LRRC4C: variants seen among roughly 807,000 people sequenced by gnomAD.
The protein encoded by LRRC4C is leucine-rich repeat-containing protein 4C.
A neutral mutation model predicts 33.6 loss-of-function variants in LRRC4C; 5 were observed. The observed-to-expected ratio is 0.15, with a 90% CI of 0.08 to 0.31. LRRC4C has a LOEUF of 0.31. Ranked by LOEUF, LRRC4C falls within the 10% of genes least tolerant of loss-of-function variation. The probability of loss-of-function intolerance (pLI) is 1.00; values close to 1 mark genes in which losing one functional copy is unlikely to be tolerated. For missense variants in LRRC4C, 560 were observed against 796.7 expected, an observed-to-expected ratio of 0.70 and a Z score of 3.58; for synonymous variants, 329 against 302.0, an observed-to-expected ratio of 1.09 and a Z score of -0.93.
At chr11:41,033,006 T>G (rs756715775) in intron 1 of LRRC4C, among the ~76,000 whole-genome samples, 1 of 151,980 alleles carries the variant, frequency 6.6e-6, no homozygotes, top group Non-Finnish European at 1.5e-5. Context: ...GCTGATACCA[T>G]GAAACATTAC....
Position 40,274,641 on chromosome 11 carries a change from C to T in LRRC4C, c.-175-33043G>A, listed in dbSNP as rs183007725. Reference sequence around the variant, plus strand: ...TAGAAAAATGTATTTCCATTCTCTTCGGCAAAGACAGTCCTGTTACCTGTA... The same window carrying T: ...TAGAAAAATGTATTTCCATTCTCTTTGGCAAAGACAGTCCTGTTACCTGTA... On this transcript the variant is annotated intron_variant, in intron 4 of 6. Transcript: ENST00000528697. Among the ~76,000 whole-genome samples the T allele has an allele frequency of 1.8e-4, 27 of 152,158 alleles. No individual in the cohort carries two copies. The South Asian group carries it at 2.5e-3, about 14-fold the overall frequency.
At chr11:41,165,801 G>T (rs1944695305) in intron 1 of LRRC4C, among the ~76,000 whole-genome samples, 2 of 152,020 alleles carry the variant, frequency 1.3e-5, no homozygotes, top group Non-Finnish European at 2.9e-5. Context: ...AGGCCGAGGT[G>T]GGTGGACCAC....
chr11:40,647,335 A>G (rs915092555), intron 3 of LRRC4C, among the ~76,000 whole-genome samples: 1 of 152,224 alleles, frequency 6.6e-6, no homozygotes, highest in Non-Finnish European at 1.5e-5. Context: ...AATGGTGCTT[A>G]ATGTCACTAT....
intron 1 of LRRC4C, among the ~76,000 whole-genome samples, chr11:41,116,335 A>AAT (rs920356898): frequency 3.3e-5 from 5 of 151,996 alleles, no homozygotes; most frequent in African/African-American, 9.7e-5. Flanking sequence ...GAATTTAGTT[A>AAT]ATATATATAT....
intron 1 of LRRC4C, among the ~76,000 whole-genome samples, chr11:41,337,120 C>T (rs1157812461): frequency 6.6e-6 from 1 of 152,066 alleles, no homozygotes; most frequent in African/African-American, 2.4e-5. Flanking sequence ...TCACCACTCA[C>T]TGAAGCCTCC....
intron 2 of LRRC4C, among the ~76,000 whole-genome samples, chr11:40,887,729 T>C (rs1955528402): frequency 6.6e-6 from 1 of 152,034 alleles, no homozygotes; most frequent in Admixed American, 6.6e-5. Context: ...ATTTTCTAGA[T>C]GCAAAGCATT....
intron 1 of LRRC4C, among the ~76,000 whole-genome samples, chr11:41,431,045 G>A (rs190368850): frequency 1.3e-5 from 2 of 152,102 alleles, no homozygotes; most frequent in African/African-American, 4.8e-5. Flanking sequence ...TGCAAAAATT[G>A]TATTATTTTT....
At chr11:41,232,436 T>C (rs980907442) in intron 1 of LRRC4C, among the ~76,000 whole-genome samples, 1 of 152,046 alleles carries the variant, frequency 6.6e-6, no homozygotes, top group Non-Finnish European at 1.5e-5. Context: ...AAAAATGCCT[T>C]CAGGCATTAT....
intron 1 of LRRC4C, among the ~76,000 whole-genome samples, chr11:40,966,238 T>C (rs904140483): frequency 2.0e-5 from 3 of 151,996 alleles, no homozygotes; most frequent in African/African-American, 7.2e-5. Context: ...AGGTACACTT[T>C]ACCTATTTTT....
chr11:40,600,082 A>T (rs1959825133), intron 3 of LRRC4C, among the ~76,000 whole-genome samples: 1 of 152,166 alleles, frequency 6.6e-6, no homozygotes, highest in South Asian at 2.1e-4. Flanking sequence ...ATGAGCTCTA[A>T]CTCTGTGCAT....
intron 1 of LRRC4C, among the ~76,000 whole-genome samples, chr11:40,962,992 G>C (rs2136892374): frequency 6.6e-6 from 1 of 151,780 alleles, no homozygotes; most frequent in East Asian, 1.9e-4. Flanking sequence ...GGACTTATTT[G>C]AAGATACAGA....
intron 2 of LRRC4C, among the ~76,000 whole-genome samples, chr11:40,726,163 CCAA>C (rs1947283984): frequency 7.3e-6 from 1 of 136,106 alleles, no homozygotes; most frequent in Non-Finnish European, 1.6e-5. Context: ...AACCTATCAA[CCAA>C]AAAAAAAAAA....
chr11:40,559,708 C>A (rs1957472865), intron 3 of LRRC4C, among the ~76,000 whole-genome samples: 1 of 152,082 alleles, frequency 6.6e-6, no homozygotes, highest in Non-Finnish European at 1.5e-5. Flanking sequence ...ATAGGTTTGA[C>A]TTTTAAAAAA....
chr11:40,689,072 G>C (rs376879465), intron 2 of LRRC4C, among the ~76,000 whole-genome samples: 1 of 151,834 alleles, frequency 6.6e-6, no homozygotes, highest in Non-Finnish European at 1.5e-5. Flanking sequence ...TAGAAAAAGA[G>C]CCCTAGATAA....
intron 3 of LRRC4C, among the ~76,000 whole-genome samples, chr11:40,565,891 C>T (rs2135534123): frequency 6.6e-6 from 1 of 152,014 alleles, no homozygotes; most frequent in Non-Finnish European, 1.5e-5. Context: ...AATTCAGAAT[C>T]TATAATTTGT....
chr11:40,586,991 G>GT (rs1958786521), intron 3 of LRRC4C, among the ~76,000 whole-genome samples: 2 of 151,896 alleles, frequency 1.3e-5, no homozygotes, highest in Non-Finnish European at 2.9e-5. Flanking sequence ...CTTTAAAGTA[G>GT]TTTTTTCCAA....
intron 2 of LRRC4C, among the ~76,000 whole-genome samples, chr11:40,863,822 G>A (rs1954219929): frequency 6.6e-6 from 1 of 152,022 alleles, no homozygotes; most frequent in South Asian, 2.1e-4. Flanking sequence ...ATATTTTTGT[G>A]TTATTATAAT....
intron 4 of LRRC4C, among the ~76,000 whole-genome samples, chr11:40,305,155 A>C (rs1247206362): frequency 1.3e-5 from 2 of 152,178 alleles, no homozygotes; most frequent in Non-Finnish European, 2.9e-5. Flanking sequence ...TGCCTAGAAC[A>C]TTCCCCTCTG....
At chr11:40,936,688 T>A (rs1479867547) in intron 1 of LRRC4C, among the ~76,000 whole-genome samples, 4 of 152,140 alleles carry the variant, frequency 2.6e-5, no homozygotes, top group Non-Finnish European at 5.9e-5. Flanking sequence ...CATTAACTGG[T>A]AACATCATGT....
Sources: allele counts gnomAD v4.1 joint callset (sites outside exome capture counted in the v4.1 genomes callset), GRCh38; gene constraint gnomAD v4.1.1; transcripts MANE v1.5; gene names NCBI Gene and HGNC (gene_info 2026-07-23, HGNC 2026-07-21).